Variants in OR13G1 observed in about 807,000 individuals in gnomAD.
OR13G1 encodes olfactory receptor 13G1.
For synonymous variants in OR13G1, 128 were observed against 136.2 expected, an observed-to-expected ratio of 0.94 and a Z score of 0.42; for missense variants, 369 against 385.7, an observed-to-expected ratio of 0.96 and a Z score of 0.36.
intron 1 of OR13G1, among the ~76,000 whole-genome samples, chr1:247,676,759 C>T (rs1464052100): frequency 6.6e-6 from 1 of 152,098 alleles, no homozygotes; most frequent in Non-Finnish European, 1.5e-5. Flanking sequence ...ACCCTAGCAC[C>T]CGTGATTTTT....
intron 1 of OR13G1, among the ~76,000 whole-genome samples, chr1:247,676,776 T>C (rs1659353259): frequency 6.6e-6 from 1 of 152,208 alleles, no homozygotes; most frequent in South Asian, 2.1e-4. Flanking sequence ...TTTTATTGCT[T>C]AGTCAATATT....
intron 1 of OR13G1, among the ~76,000 whole-genome samples, chr1:247,679,094 T>C (rs999163287): frequency 6.6e-5 from 10 of 152,270 alleles, no homozygotes; most frequent in Middle Eastern, 6.8e-3. Context: ...GATTCTTATA[T>C]ATGTAGGTAG....
At position 247,672,036 on chromosome 1, in the gene OR13G1, G is replaced by GT. The variant is rs1466388786; in HGVS notation, c.*81dup. 8.7e-7 allele frequency: 1 copy of GT among 1,147,684 alleles called. No individual in the cohort carries two copies. The highest frequency in any genetic ancestry group is 2.2e-5 in the Admixed American group (1 of 45,332). The allele number at this position is 1,147,684 out of a possible 1,614,324, so 71.1% of individuals were successfully genotyped here. ...GAGGGAAGGGAAAATTGGAGTGGAGGTAAGTATGAAAAACCAGTAAAATCT... is the reference window on the plus strand; with the variant it reads ...GAGGGAAGGGAAAATTGGAGTGGAGGTTAAGTATGAAAAACCAGTAAAATCT... On this transcript the variant is annotated 3_prime_UTR_variant, in exon 2 of 2. Transcript: ENST00000642119.
In OR13G1 at chr1:247,672,233, A is replaced by G. The variant is rs1659221368; in HGVS notation, c.809T>C (p.Val270Ala). Reference sequence around the variant, plus strand: ...CACAAGAGTATAGAGTGCAGCTACCACCTTGTCTCTTTCAAATGTATAGCT... The same window carrying G: ...CACAAGAGTATAGAGTGCAGCTACCGCCTTGTCTCTTTCAAATGTATAGCT... ...ASSYTFERDK[V>A]VAALYTLVTP... Residue 270 changes from valine to alanine, a missense_variant, in exon 2 of 2, where the codon GTG becomes GCG. Coordinates refer to ENST00000642119, the MANE Select transcript of OR13G1 (RefSeq NM_001005487.2). The G allele has an allele frequency of 1.2e-6, 2 of 1,613,946 alleles. No individual in the cohort carries two copies. The highest frequency in any genetic ancestry group is 2.7e-5 in the African/African-American group (2 of 74,914).
chr1:247,673,087 T>A lies in OR13G1; in HGVS notation c.-46A>T. 5.0e-6 allele frequency: 7 copies of A among 1,398,024 alleles called. No homozygotes were observed. The highest frequency in any genetic ancestry group is 6.9e-6 in the Non-Finnish European group (7 of 1,014,846). The allele number at this position is 1,398,024 out of a possible 1,614,324, so 86.6% of individuals were successfully genotyped here. On this transcript the variant is annotated 5_prime_UTR_variant, in exon 2 of 2. Transcript: ENST00000642119. ...GCAGTAATTGCACAGAATAAACAAC[T>A]GAAAATGGAAAGAATCCCTGTGTTG...
chr1:247,675,966 A>T, intron 1 of OR13G1, among the ~76,000 whole-genome samples: 1 of 152,214 alleles, frequency 6.6e-6, no homozygotes, highest in East Asian at 1.9e-4. Flanking sequence ...CTCTGAAATT[A>T]TCAATTCAGC....
Position 247,673,254 on chromosome 1 carries a change from G to A in OR13G1, c.-213C>T, listed in dbSNP as rs1659247749. The A allele has an allele frequency of 7.6e-6, 4 of 529,086 alleles. No individual in the cohort carries two copies. Among genetic ancestry groups the A allele is most frequent in the South Asian group, 5.5e-5 (2 of 36,342 alleles). The allele number at this position is 529,086 out of a possible 1,614,324, so 32.8% of individuals were successfully genotyped here. On this transcript the variant is annotated 5_prime_UTR_variant, in exon 2 of 2. Transcript: ENST00000642119. ...TTCCAGACTAATCCCATTCTCTGAT[G>A]TATGTTCCTCCATTGATGACTCAAA...
At position 247,673,280 on chromosome 1, in the gene OR13G1, C is replaced by G; in HGVS notation, c.-238-1G>C. 1 of 479,536 alleles carries G rather than the reference C, an allele frequency of 2.1e-6. No homozygotes were observed. The highest frequency in any genetic ancestry group is 3.4e-5 in the East Asian group (1 of 29,710). 29.7% of individuals were successfully genotyped at this position (479,536 alleles called of 1,614,324 possible). On this transcript the variant is annotated splice_acceptor_variant, in intron 1 of 1. Transcript: ENST00000642119. LOFTEE classifies it low-confidence loss of function (5UTR_SPLICE). ...TATGTTCCTCCATTGATGACTCAAACTGAAGCCAGTGGTTGAGAAGAAAAA... is the reference window on the plus strand; with the variant it reads ...TATGTTCCTCCATTGATGACTCAAAGTGAAGCCAGTGGTTGAGAAGAAAAA...
chr1:247,672,720 C>T lies in OR13G1; in HGVS notation c.322G>A (p.Glu108Lys). Reference sequence around the variant, plus strand: ...GCCATGGTGGTGAAGAGAACCATCTCAGCTCCCAGAGACCATGTGAACAAG... The same window carrying T: ...GCCATGGTGGTGAAGAGAACCATCTTAGCTCCCAGAGACCATGTGAACAAG... ...LFLFTWSLGA[E>K]MVLFTTMAYD... The change falls in exon 2 of 2, where the codon GAG becomes AAG. Residue 108 changes from glutamate (E) to lysine (K), a missense_variant. Coordinates refer to ENST00000642119, the MANE Select transcript of OR13G1 (RefSeq NM_001005487.2). The T allele has an allele frequency of 6.2e-7, 1 of 1,613,978 alleles. No individual in the cohort carries two copies. The highest frequency in any genetic ancestry group is 8.5e-7 in the Non-Finnish European group (1 of 1,179,938).
At position 247,672,206 on chromosome 1, in the gene OR13G1, G is replaced by A; in HGVS notation, c.836C>T (p.Thr279Ile). Residue 279 changes from threonine to isoleucine, a missense_variant, in exon 2 of 2, where the codon ACT becomes ATT. Thr to Ile is a moderately conservative substitution (Grantham distance 89). Transcript: ENST00000642119. The stretch of plus-strand genomic sequence containing the variant: ...GTACACCATCGGGTTTAATGTGGGA[G>A]TCACAAGAGTATAGAGTGCAGCTAC... ...KVVAALYTLV[T>I]PTLNPMVYSF... 2.5e-6 allele frequency: 4 copies of A among 1,614,086 alleles called. No individual in the cohort carries two copies. Among genetic ancestry groups the A allele is most frequent in the Non-Finnish European group, 8.5e-7 (1 of 1,179,978 alleles).
intron 1 of OR13G1, among the ~76,000 whole-genome samples, chr1:247,675,480 C>T (rs576857859): frequency 6.6e-5 from 10 of 152,122 alleles, no homozygotes; most frequent in Non-Finnish European, 1.0e-4. Context: ...GGCAAGGGAA[C>T]CTGAGGATTC....
In OR13G1 at chr1:247,674,618, T is replaced by C. The variant is rs560439958; in HGVS notation, c.-238-1339A>G. 5.2e-4 allele frequency among the ~76,000 whole-genome samples: 79 copies of C among 152,322 alleles called. 3 individuals carry two copies. Among genetic ancestry groups the C allele is most frequent in the Non-Finnish European group, 1.0e-3 (69 of 68,022 alleles). On this transcript the variant is annotated intron_variant, in intron 1 of 1. Transcript: ENST00000642119. Reference sequence around the variant, plus strand: ...AATGTTACAGCCACCATTATTTGGGTCTTTGACATGTGACAGGCTCTATGT... The same window carrying C: ...AATGTTACAGCCACCATTATTTGGGCCTTTGACATGTGACAGGCTCTATGT...
chr1:247,670,835 T>C lies in OR13G1; in HGVS notation c.*1283A>G, dbSNP rs1572436903. 6.6e-6 allele frequency: 1 copy of C among 152,048 alleles called. No individual in the cohort carries two copies. Among genetic ancestry groups the C allele is most frequent in the African/African-American group, 2.4e-5 (1 of 41,434 alleles). The allele number at this position is 152,048 out of a possible 1,614,324, so 9.4% of individuals were successfully genotyped here. Reference sequence around the variant, plus strand: ...TGGACACAACTGCTCCAGATGTATTTGTAAGACAAAATTCCAACATGTTTT... The same window carrying C: ...TGGACACAACTGCTCCAGATGTATTCGTAAGACAAAATTCCAACATGTTTT... On this transcript the variant is annotated 3_prime_UTR_variant, in exon 2 of 2. Coordinates refer to ENST00000642119, the MANE Select transcript of OR13G1 (RefSeq NM_001005487.2).
intron 1 of OR13G1, 132 bp from the exon 2 acceptor site, chr1:247,673,411 G>A: frequency 5.1e-6 from 1 of 195,202 alleles, no homozygotes; most frequent in Non-Finnish European, 1.1e-5. Flanking sequence ...TATATATTCT[G>A]GATATGCATA....
At chr1:247,678,990 A>C (rs1216990862) in intron 1 of OR13G1, among the ~76,000 whole-genome samples, 1 of 151,206 alleles carries the variant, frequency 6.6e-6, no homozygotes, top group African/African-American at 2.4e-5. Flanking sequence ...ATTATTTTTC[A>C]CATTTACATT....
rs145024378 is a variant in OR13G1 at position 247,672,483 on chromosome 1, T to C, written c.559A>G (p.Ser187Gly). The C allele has an allele frequency of 1.3e-5, 21 of 1,613,998 alleles. No individual in the cohort carries two copies. The highest frequency in any genetic ancestry group is 1.8e-5 in the Non-Finnish European group (21 of 1,180,000). ...ATCACCTCATTGATTCTTACAGGGCTACAGGACAAAGCCAGCAATGGGGGT... is the reference window on the plus strand; with the variant it reads ...ATCACCTCATTGATTCTTACAGGGCCACAGGACAAAGCCAGCAATGGGGGT... ...EIPPLLALSC[S>G]PVRINEVMVY... The change falls in exon 2 of 2, where the codon AGC becomes GGC. Residue 187 changes from serine to glycine, a missense_variant. Coordinates refer to ENST00000642119, the MANE Select transcript of OR13G1 (RefSeq NM_001005487.2).
rs1467545219 is a variant in OR13G1 at position 247,672,392 on chromosome 1, A to C, written c.650T>G (p.Phe217Cys). 6.2e-7 allele frequency: 1 copy of C among 1,614,094 alleles called. No homozygotes were observed. The part of the protein sequence containing the change: ...DFILTCISYG[F>C]IIVAILRIRT... ...GATACGGAGAATAGCAACAATGATA[A>C]AACCATAGGAGATGCAGGTAAGAAT... The change falls in exon 2 of 2, where the codon TTT (phenylalanine) becomes TGT (cysteine). Residue 217 changes from phenylalanine (F) to cysteine (C), a missense_variant. Phe to Cys is a radical substitution (Grantham distance 205, BLOSUM62 -2). Coordinates refer to ENST00000642119, the MANE Select transcript of OR13G1 (RefSeq NM_001005487.2).
At chr1:247,678,020 T>C (rs1659386773) in intron 1 of OR13G1, among the ~76,000 whole-genome samples, 1 of 152,140 alleles carries the variant, frequency 6.6e-6, no homozygotes, top group Non-Finnish European at 1.5e-5. Context: ...GGAGAATTGC[T>C]TGAACCTGGG....
rs1233230512 is a variant in OR13G1, at chr1:247,672,361, T to C, written c.681A>G (p.Thr227=). The C allele has an allele frequency of 6.2e-7, 1 of 1,613,826 alleles. No individual in the cohort carries two copies. Among genetic ancestry groups the C allele is most frequent in the East Asian group, 2.2e-5 (1 of 44,898 alleles). ...AGAAGGCCTTCCTCTTGCCTTCTAC[T>C]GTGCGGATACGGAGAATAGCAACAA... ...FIIVAILRIR[T]VEGKRKAFST... is the part of the protein sequence containing the mutation. The change falls in exon 2 of 2, where the codon ACA becomes ACG. Residue 227 remains threonine, a synonymous_variant. Coordinates refer to ENST00000642119, the MANE Select transcript of OR13G1 (RefSeq NM_001005487.2).
Sources: allele counts gnomAD v4.1 joint callset (sites outside exome capture counted in the v4.1 genomes callset), GRCh38; gene constraint gnomAD v4.1.1; transcripts MANE v1.5; gene names NCBI Gene and HGNC (gene_info 2026-07-23, HGNC 2026-07-21).